The following SENP7 variants were observed in gnomAD, a reference collection of about 807,000 sequenced individuals.
SENP7 encodes SUMO specific peptidase 7.
In SENP7, 64 loss-of-function variants were observed where a neutral mutation model predicts 141.2. That is an observed-to-expected ratio of 0.45 (90% CI 0.37 to 0.56). SENP7 has a LOEUF of 0.56. Ranked by LOEUF, SENP7 falls within the 20% of genes least tolerant of loss-of-function variation. SENP7 has a pLI of 0.00. For synonymous variants in SENP7, 382 were observed against 426.4 expected, an observed-to-expected ratio of 0.90 and a Z score of 1.28; for missense variants, 1,025 against 1,212.2, an observed-to-expected ratio of 0.85 and a Z score of 2.29.
At chr3:101,440,998 A>G (rs2062647612) in intron 4 of SENP7, among the ~76,000 whole-genome samples, 1 of 152,208 alleles carries the variant, frequency 6.6e-6, no homozygotes, top group South Asian at 2.1e-4. Flanking sequence ...CCAACATGAT[A>G]AAGTACATCT....
intron 3 of SENP7, among the ~76,000 whole-genome samples, chr3:101,488,261 G>T (rs186615709): frequency 1.8e-4 from 27 of 152,022 alleles, no homozygotes; most frequent in Admixed American, 1.6e-3. Context: ...TCTCAGCCTG[G>T]ACATTATTTG....
In SENP7 at chr3:101,439,019, T is replaced by G. The variant is rs1209332426; in HGVS notation, c.284+19936A>C. Among the ~76,000 whole-genome samples, 182 of 134,632 alleles carry G rather than the reference T, an allele frequency of 1.4e-3. 3 individuals are homozygous for G. Among genetic ancestry groups the G allele is most frequent in the African/African-American group, 4.8e-3 (178 of 37,394 alleles). The allele number at this position is 134,632 out of a possible 152,430, so 88.3% of individuals were successfully genotyped here. A position where few individuals can be genotyped will look rare whatever the true frequency, so the allele number is the denominator to read the frequency against. On this transcript the variant is annotated intron_variant, in intron 4 of 23. Transcript: ENST00000394095. Reference sequence around the variant, plus strand: ...TCGTCTGGGATGTGAGGAGCCCCTCTGCCTGGCTGCCCAGTCTGGAAAGTG... The same window carrying G: ...TCGTCTGGGATGTGAGGAGCCCCTCGGCCTGGCTGCCCAGTCTGGAAAGTG...
intron 3 of SENP7, among the ~76,000 whole-genome samples, chr3:101,488,091 G>A (rs140528437): frequency 3.3e-5 from 5 of 152,090 alleles, no homozygotes; most frequent in East Asian, 3.9e-4. Flanking sequence ...CAATCCACGC[G>A]CATGGATTGT....
chr3:101,512,702 G>A (rs1463392601), intron 1 of SENP7, among the ~76,000 whole-genome samples: 4 of 152,170 alleles, frequency 2.6e-5, no homozygotes, highest in African/African-American at 4.8e-5. Flanking sequence ...GAGAATCAAA[G>A]GAAGAGAGGA....
intron 5 of SENP7, among the ~76,000 whole-genome samples, chr3:101,400,091 T>C (rs986805937): frequency 6.6e-6 from 1 of 152,258 alleles, no homozygotes; most frequent in Non-Finnish European, 1.5e-5. Flanking sequence ...GTCATTATTA[T>C]GAACATTACT....
At chr3:101,418,103 A>T (rs2061679280) in intron 4 of SENP7, among the ~76,000 whole-genome samples, 2 of 152,204 alleles carry the variant, frequency 1.3e-5, no homozygotes, top group Admixed American at 6.5e-5. Context: ...GACAGTGTTC[A>T]TTTGCAGATC....
Position 101,472,476 on chromosome 3 carries a change from G to A in SENP7, c.187-13424C>T, listed in dbSNP as rs1167352278. The stretch of plus-strand genomic sequence containing the variant: ...TGAGATCACTTGGACACAGGGCGGG[G>A]AACATCACACACTGGGACCTGTCGC... On this transcript the variant is annotated intron_variant, in intron 3 of 23. Coordinates refer to ENST00000394095, the MANE Select transcript of SENP7 (RefSeq NM_020654.5). Among the ~76,000 whole-genome samples the A allele has an allele frequency of 2.0e-5, 3 of 152,182 alleles. No individual in the cohort carries two copies. The East Asian group carries it at 5.8e-4, about 29-fold the overall frequency.
chr3:101,417,146 A>G (rs2061647223), intron 5 of SENP7, among the ~76,000 whole-genome samples: 1 of 152,168 alleles, frequency 6.6e-6, no homozygotes, highest in Non-Finnish European at 1.5e-5. Flanking sequence ...TTAAAATACA[A>G]GCTCAAAAAA....
At chr3:101,357,756 A>C in intron 11 of SENP7, 1 of 643,224 alleles carries the variant, frequency 1.6e-6, no homozygotes. Context: ...TGGAAAAAAA[A>C]CTTTTAAATG....
intron 1 of SENP7, among the ~76,000 whole-genome samples, chr3:101,501,986 T>C (rs2065400875): frequency 6.6e-6 from 1 of 152,150 alleles, no homozygotes; most frequent in Non-Finnish European, 1.5e-5. Flanking sequence ...TAATTTGAAA[T>C]GAATCATAGA....
At chr3:101,489,577 A>G (rs1203601253) in intron 3 of SENP7, among the ~76,000 whole-genome samples, 2 of 150,140 alleles carry the variant, frequency 1.3e-5, no homozygotes, top group Non-Finnish European at 3.0e-5. Flanking sequence ...GTATTACATA[A>G]TGATAAATGG....
chr3:101,399,717 C>T (rs1356290176), intron 5 of SENP7, among the ~76,000 whole-genome samples: 1 of 152,222 alleles, frequency 6.6e-6, no homozygotes, highest in Non-Finnish European at 1.5e-5. Flanking sequence ...GCCTCGATCT[C>T]CTGGCCCAAG....
chr3:101,512,836 T>G (rs1038673410), intron 1 of SENP7, among the ~76,000 whole-genome samples: 1 of 151,536 alleles, frequency 6.6e-6, no homozygotes, highest in African/African-American at 2.4e-5. Flanking sequence ...GCAAGGAGGG[T>G]GTTCGCGGGA....
intron 6 of SENP7, among the ~76,000 whole-genome samples, chr3:101,374,599 C>CCACA (rs35499343): frequency 0.39 from 58,505 of 149,092 alleles, 11,790 homozygotes; most frequent in Admixed American, 0.53. Flanking sequence ...TTCACCCCAC[C>CCACA]CACACACACA....
chr3:101,330,452 A>T, intron 19 of SENP7, 66 bp from the exon 20 acceptor site: 2 of 1,079,486 alleles, frequency 1.9e-6, no homozygotes, highest in Non-Finnish European at 2.7e-6. Flanking sequence ...AACTTAGAAA[A>T]GCTTAAAATT....
chr3:101,427,549 CAT>C (rs1167514166), intron 4 of SENP7, among the ~76,000 whole-genome samples: 1 of 150,808 alleles, frequency 6.6e-6, no homozygotes, highest in African/African-American at 2.4e-5. Flanking sequence ...TCAAAAACCA[CAT>C]GATTACCTCA....
At chr3:101,379,771 C>G (rs2060442984) in intron 6 of SENP7, among the ~76,000 whole-genome samples, 1 of 152,106 alleles carries the variant, frequency 6.6e-6, no homozygotes, top group Non-Finnish European at 1.5e-5. Flanking sequence ...TATGATGTTT[C>G]CTCAAAAAGC....
Position 101,367,962 on chromosome 3 carries a change from T to C in SENP7, c.846A>G (p.Arg282=), listed in dbSNP as rs1455623002. The C allele has an allele frequency of 6.2e-7, 1 of 1,613,284 alleles. No individual in the cohort carries two copies. Among genetic ancestry groups the C allele is most frequent in the South Asian group, 1.1e-5 (1 of 91,000 alleles). ...RGCDHLEQES[R]NKDVKYSDSK... ...AATCAGAATATTTAACATCCTTGTT[T>C]CTGCTTTCCTGTTCGAGATGATCAC... The change falls in exon 8 of 24, where the codon AGA becomes AGG. Residue 282 remains arginine (R), a synonymous_variant. Transcript: ENST00000394095.
At chr3:101,427,678 A>C (rs1421743226) in intron 4 of SENP7, among the ~76,000 whole-genome samples, 1 of 152,000 alleles carries the variant, frequency 6.6e-6, no homozygotes, top group East Asian at 1.9e-4. Flanking sequence ...TTTTGAAGAA[A>C]AGAATATCAA....
Sources: allele counts gnomAD v4.1 joint callset (sites outside exome capture counted in the v4.1 genomes callset), GRCh38; gene constraint gnomAD v4.1.1; transcripts MANE v1.5; gene names NCBI Gene and HGNC (gene_info 2026-07-23, HGNC 2026-07-21).